MKRN1: variants seen among roughly 807,000 people sequenced by gnomAD.
The protein encoded by MKRN1 is makorin ring finger protein 1.
A neutral mutation model predicts 55.5 loss-of-function variants in MKRN1; 9 were observed. The ratio of observed to expected loss-of-function variants is 0.16; its 90% CI spans 0.10 to 0.28. The LOEUF is 0.28. MKRN1 is among the 10% of genes least tolerant of loss of function. The pLI is 1.00. For missense variants in MKRN1, 488 were observed against 626.7 expected, an observed-to-expected ratio of 0.78 and a Z score of 2.36; for synonymous variants, 253 against 235.9, an observed-to-expected ratio of 1.07 and a Z score of -0.66.
chr7:140,463,758 GCCTGTAGTCCCA>G (rs1012947737), intron 2 of MKRN1, among the ~76,000 whole-genome samples: 4 of 151,988 alleles, frequency 2.6e-5, no homozygotes, highest in Non-Finnish European at 5.9e-5. Context: ...GGTGGCAGGC[GCCTGTAGTCCCA>G]GCTACTCGGG....
At chr7:140,475,297 C>A (rs1242939816) in intron 1 of MKRN1, 1 of 410,892 alleles carries the variant, frequency 2.4e-6, no homozygotes, top group East Asian at 9.6e-5. Context: ...GAGCCGAGAT[C>A]GTGCCACTGC....
intron 6 of MKRN1, 87 bp downstream of exon 6, chr7:140,455,703 G>C: frequency 9.7e-7 from 1 of 1,033,620 alleles, no homozygotes; most frequent in South Asian, 1.3e-5. Flanking sequence ...GAAGGAGGTA[G>C]GAGTGTATAA....
At chr7:140,474,065 G>A (rs564646288) in intron 1 of MKRN1, among the ~76,000 whole-genome samples, 24 of 139,358 alleles carry the variant, frequency 1.7e-4, no homozygotes, top group Non-Finnish European at 2.0e-4. Context: ...AAGAAAGAAA[G>A]AATAAAAGAC....
At chr7:140,455,605 G>C (rs1031683209) in intron 6 of MKRN1, 185 bp downstream of exon 6, 15 of 584,946 alleles carry the variant, frequency 2.6e-5, no homozygotes, top group African/African-American at 2.2e-4. Flanking sequence ...CCTTGGCATG[G>C]ACCCCAAGGA....
At chr7:140,470,065 A>G (rs1371278552) in intron 2 of MKRN1, among the ~76,000 whole-genome samples, 1 of 151,030 alleles carries the variant, frequency 6.6e-6, no homozygotes, top group Admixed American at 6.6e-5. Flanking sequence ...AAAAAAAAAA[A>G]AAAAAATTAG....
intron 7 of MKRN1, 131 bp downstream of exon 7, chr7:140,454,964 T>G (rs908690139): frequency 1.5e-6 from 2 of 1,329,608 alleles, no homozygotes; most frequent in African/African-American, 2.9e-5. Flanking sequence ...GAGGTTTGTT[T>G]CCTCCTTTAA....
chr7:140,477,797 T>C (rs1478539689), intron 1 of MKRN1, among the ~76,000 whole-genome samples: 1 of 152,228 alleles, frequency 6.6e-6, no homozygotes, highest in Non-Finnish European at 1.5e-5. Flanking sequence ...TTAAAAGATG[T>C]AACTAGCACA....
intron 2 of MKRN1, among the ~76,000 whole-genome samples, chr7:140,464,408 T>TA (rs1463995152): frequency 6.7e-6 from 1 of 149,662 alleles, no homozygotes; most frequent in African/African-American, 2.5e-5. Flanking sequence ...TCCTGTCCCT[T>TA]AAAAAACAAA....
At chr7:140,463,777 CG>C (rs1400741473) in intron 2 of MKRN1, among the ~76,000 whole-genome samples, 6 of 151,758 alleles carry the variant, frequency 4.0e-5, no homozygotes, top group Non-Finnish European at 8.8e-5. Flanking sequence ...CCCAGCTACT[CG>C]GGAGGCTGAG....
chr7:140,456,339 A>C, intron 5 of MKRN1: 1 of 1,233,332 alleles, frequency 8.1e-7, no homozygotes, highest in South Asian at 1.9e-5. Context: ...AAACGTCAGG[A>C]AACATACATT....
chr7:140,475,814 A>G (rs1470672058), intron 1 of MKRN1, among the ~76,000 whole-genome samples: 1 of 152,196 alleles, frequency 6.6e-6, no homozygotes, highest in Non-Finnish European at 1.5e-5. Context: ...TCTAAATTCA[A>G]ATTACAACTT....
intron 1 of MKRN1, among the ~76,000 whole-genome samples, chr7:140,474,017 G>GAAAAGA (rs1312962229): frequency 2.3e-5 from 1 of 43,406 alleles, no homozygotes; most frequent in African/African-American, 2.7e-4. Flanking sequence ...AAGAAAGAAA[G>GAAAAGA]AAAGAAAGAA....
chr7:140,461,634 C>CA (rs2130277802), intron 2 of MKRN1, among the ~76,000 whole-genome samples: 1 of 149,320 alleles, frequency 6.7e-6, no homozygotes, highest in South Asian at 2.1e-4. Context: ...GACTCTGTTT[C>CA]AAAAAATAAT....
intron 1 of MKRN1, among the ~76,000 whole-genome samples, chr7:140,477,774 C>A (rs1258711491): frequency 6.6e-6 from 1 of 152,178 alleles, no homozygotes; most frequent in Non-Finnish European, 1.5e-5. Context: ...CCCGACAGGC[C>A]GGTTTCAATC....
intron 2 of MKRN1, among the ~76,000 whole-genome samples, chr7:140,463,718 T>C (rs570753412): frequency 1.3e-5 from 2 of 152,068 alleles, no homozygotes; most frequent in South Asian, 2.1e-4. Flanking sequence ...ACCTCGTCTC[T>C]ACTAAAAATA....
chr7:140,455,977 CGCCTCCAGA>C, intron 5 of MKRN1, 77 bp from the exon 6 acceptor site: 15 of 1,314,172 alleles, frequency 1.1e-5, no homozygotes, highest in Non-Finnish European at 1.5e-5. Context: ...CCTGGTGTGT[CGCCTCCAGA>C]CTTAAAGACT....
intron 5 of MKRN1, chr7:140,456,358 G>C (rs937730040): frequency 8.6e-6 from 11 of 1,274,956 alleles, no homozygotes; most frequent in Non-Finnish European, 1.1e-5. Context: ...TTCAGAGCTA[G>C]ATCAGTTTGT....
intron 1 of MKRN1, among the ~76,000 whole-genome samples, chr7:140,472,620 C>G (rs181806692): frequency 6.6e-6 from 1 of 150,682 alleles, no homozygotes; most frequent in East Asian, 2.1e-4. Flanking sequence ...GATCTCCTGA[C>G]CTTGTGATCT....
Position 140,459,783 on chromosome 7 carries a change from A to C in MKRN1, c.468T>G (p.Phe156Leu). The change falls in exon 3 of 8, where the codon TTT (phenylalanine) becomes TTG (leucine). Residue 156 changes from phenylalanine (F) to leucine (L), a missense_variant. This residue lies in a region of MKRN1 where 210 missense variants were observed against 220.0 expected (regional missense o/e 0.95). Coordinates refer to ENST00000255977, the MANE Select transcript of MKRN1 (RefSeq NM_013446.4). ...TGEAESRNSN[F>L]ATVGAGSEDW... Reference sequence around the variant, plus strand: ...CCTCTGAACCTGCTCCTACAGTTGCAAAGTTTGAATTTCTTGACTCAGCTT... The same window carrying C: ...CCTCTGAACCTGCTCCTACAGTTGCCAAGTTTGAATTTCTTGACTCAGCTT... 6.2e-7 allele frequency: 1 copy of C among 1,613,960 alleles called. No homozygotes were observed. The highest frequency in any genetic ancestry group is 8.5e-7 in the Non-Finnish European group (1 of 1,179,864).
Sources: allele counts gnomAD v4.1 joint callset (sites outside exome capture counted in the v4.1 genomes callset), GRCh38; gene constraint gnomAD v4.1.1; regional missense constraint gnomAD v4.1.1; transcripts MANE v1.5; gene names NCBI Gene and HGNC (gene_info 2026-07-23, HGNC 2026-07-21).